Variants in FAM227B observed in about 807,000 individuals in gnomAD.
The protein encoded by FAM227B is protein FAM227B.
A neutral mutation model predicts 73.8 loss-of-function variants in FAM227B; 88 were observed. That is an observed-to-expected ratio of 1.19 (90% CI 1.00 to 1.42). The LOEUF is 1.42. Ranked by LOEUF, FAM227B falls within the 40% of genes most tolerant of loss-of-function variation. The pLI is 0.00. For synonymous variants in FAM227B, 210 were observed against 190.5 expected, an observed-to-expected ratio of 1.10 and a Z score of -0.84; for missense variants, 632 against 590.9, an observed-to-expected ratio of 1.07 and a Z score of -0.72.
chr15:49,504,049 G>T (rs936764906), intron 11 of FAM227B, among the ~76,000 whole-genome samples: 2 of 152,114 alleles, frequency 1.3e-5, no homozygotes, highest in East Asian at 1.9e-4. Context: ...ATGATAGACT[G>T]GATTAAGAAA....
intron 13 of FAM227B, among the ~76,000 whole-genome samples, chr15:49,349,677 C>T (rs2041981936): frequency 2.6e-5 from 4 of 152,110 alleles, no homozygotes; most frequent in Admixed American, 2.6e-4. Flanking sequence ...AATATTCTAA[C>T]TGTAAAAAGG....
At chr15:49,615,384 C>T in intron 1 of FAM227B, 141 bp from the exon 2 acceptor site, 1 of 580,996 alleles carries the variant, frequency 1.7e-6, no homozygotes, top group South Asian at 1.9e-5. Flanking sequence ...TCATGTTGAA[C>T]TGTTGGAATC....
At chr15:49,348,570 C>T (rs183820340) in intron 13 of FAM227B, among the ~76,000 whole-genome samples, 7 of 152,144 alleles carry the variant, frequency 4.6e-5, no homozygotes, top group South Asian at 2.1e-4. Context: ...CAGAATCACT[C>T]GGAGCCAGAG....
At chr15:49,470,159 T>C (rs1051946654) in intron 11 of FAM227B, among the ~76,000 whole-genome samples, 2 of 152,120 alleles carry the variant, frequency 1.3e-5, no homozygotes, top group African/African-American at 4.8e-5. Context: ...AATTCTAAAA[T>C]GTTACTGTAG....
In FAM227B at chr15:49,526,385, G is replaced by A. The variant is rs554029793; in HGVS notation, c.874+15295C>T. On this transcript the variant is annotated intron_variant, in intron 10 of 15. Coordinates refer to ENST00000299338, the MANE Select transcript of FAM227B (RefSeq NM_152647.3). ...ACACATAATATACCAAAACATCTAA[G>A]ATATGGTAAAATCTGTGCTGAGAGT... Among the ~76,000 whole-genome samples, 77 of 152,116 alleles carry A rather than the reference G, an allele frequency of 5.1e-4. 3 individuals carry two copies. The South Asian group carries it at 0.012, about 23-fold the overall frequency.
At chr15:49,471,904 G>A (rs16962544) in intron 11 of FAM227B, among the ~76,000 whole-genome samples, 1,629 of 152,102 alleles carry the variant, frequency 0.011, 33 homozygotes, top group African/African-American at 0.034. Flanking sequence ...TGACAGCACC[G>A]GAAGAAACTT....
At chr15:49,398,069 C>A (rs910964550) in intron 11 of FAM227B, among the ~76,000 whole-genome samples, 8 of 152,142 alleles carry the variant, frequency 5.3e-5, no homozygotes, top group African/African-American at 1.9e-4. Context: ...GATAAAGAGT[C>A]AAGACCCAAC....
At chr15:49,479,235 T>C (rs1287736523) in intron 11 of FAM227B, among the ~76,000 whole-genome samples, 3 of 142,440 alleles carry the variant, frequency 2.1e-5, no homozygotes, top group Non-Finnish European at 4.5e-5. Flanking sequence ...TTCTATTGCA[T>C]GAGCTGATTC....
intron 11 of FAM227B, chr15:49,424,203 C>A: frequency 9.0e-7 from 1 of 1,108,132 alleles, no homozygotes; most frequent in Non-Finnish European, 1.3e-6. Context: ...ATCTACAATT[C>A]ACAGATAGGA....
At chr15:49,423,487 A>G (rs1306135626) in intron 11 of FAM227B, 1 of 152,186 alleles carries the variant, frequency 6.6e-6, no homozygotes, top group African/African-American at 2.4e-5. Context: ...AATGTTTTCT[A>G]AAAGTTTATC....
rs1057133325 is a variant in FAM227B, at chr15:49,424,414, A to G, written c.1013-53015T>C. On this transcript the variant is annotated intron_variant, in intron 11 of 15. Transcript: ENST00000299338. ...CTTGCAATGACATGACTCCAGAGCA[A>G]ATGGCTACAAATGTGAACTGTTCCA... 3.1e-6 allele frequency: 5 copies of G among 1,613,752 alleles called. No individual in the cohort carries two copies. The Admixed American group carries it at 5.0e-5, about 16-fold the overall frequency.
rs538448522 is a variant in FAM227B at position 49,527,853 on chromosome 15, G to A, written c.874+13827C>T. On this transcript the variant is annotated intron_variant, in intron 10 of 15. Coordinates refer to ENST00000299338, the MANE Select transcript of FAM227B (RefSeq NM_152647.3). ...CATAACACTGATGAAAGAAATCTCAGAAGACACAAATGAATCAAAAAAGAT... is the reference window on the plus strand; with the variant it reads ...CATAACACTGATGAAAGAAATCTCAAAAGACACAAATGAATCAAAAAAGAT... 1.7e-4 allele frequency among the ~76,000 whole-genome samples: 26 copies of A among 151,858 alleles called. No homozygotes were observed. The South Asian group carries it at 5.4e-3, about 31-fold the overall frequency.
chr15:49,414,256 C>T (rs185122822), intron 11 of FAM227B, among the ~76,000 whole-genome samples: 1 of 152,246 alleles, frequency 6.6e-6, no homozygotes, highest in Admixed American at 6.5e-5. Flanking sequence ...TAATTGGTTA[C>T]ACAACTCTTG....
chr15:49,365,751 C>T, intron 13 of FAM227B: 1 of 866,492 alleles, frequency 1.2e-6, no homozygotes, highest in Non-Finnish European at 2.0e-6. Flanking sequence ...TCCAAGCCCA[C>T]CTGTCTTCAT....
chr15:49,354,237 G>A (rs1337409312), intron 13 of FAM227B, among the ~76,000 whole-genome samples: 1 of 152,176 alleles, frequency 6.6e-6, no homozygotes, highest in Non-Finnish European at 1.5e-5. Flanking sequence ...TGTGTATGGG[G>A]AGGAGCCAAG....
intron 11 of FAM227B, among the ~76,000 whole-genome samples, chr15:49,437,666 G>A (rs2051231031): frequency 6.6e-6 from 1 of 151,634 alleles, no homozygotes; most frequent in African/African-American, 2.4e-5. Context: ...TCTGAAAGTT[G>A]CAGTGGCTCT....
intron 13 of FAM227B, among the ~76,000 whole-genome samples, chr15:49,354,397 C>T (rs932330473): frequency 1.8e-4 from 27 of 152,108 alleles, no homozygotes; most frequent in Non-Finnish European, 3.1e-4. Context: ...GCGCACCGTG[C>T]GTGAGCCGAA....
chr15:49,459,799 G>A (rs1314435564), intron 11 of FAM227B, among the ~76,000 whole-genome samples: 2 of 152,138 alleles, frequency 1.3e-5, no homozygotes, highest in African/African-American at 4.8e-5. Flanking sequence ...CCCGGCTCCT[G>A]TGTGCATCTC....
chr15:49,558,097 C>T (rs1329605910), intron 9 of FAM227B, among the ~76,000 whole-genome samples: 1 of 149,144 alleles, frequency 6.7e-6, no homozygotes, highest in Non-Finnish European at 1.5e-5. Flanking sequence ...TCCGGCAGGG[C>T]TTGCTGACTT....
Sources: gnomAD v4.1 joint callset for allele counts (sites outside exome capture counted in the v4.1 genomes callset) on GRCh38, gnomAD v4.1.1 for gene constraint, MANE v1.5 for transcripts, NCBI Gene and HGNC (gene_info 2026-07-23, HGNC 2026-07-21) for gene names.